MAB21L3: variants seen among roughly 807,000 people sequenced by gnomAD.
The protein encoded by MAB21L3 is protein mab-21-like 3.
In MAB21L3, 36 loss-of-function variants were observed where a neutral mutation model predicts 37.7. The ratio of observed to expected loss-of-function variants is 0.96; its 90% CI spans 0.73 to 1.26. MAB21L3 has a LOEUF of 1.26. Ranked by LOEUF, MAB21L3 falls within the 50% of genes most tolerant of loss-of-function variation. The pLI, the probability that MAB21L3 is intolerant of heterozygous loss-of-function variation, is 0.00. For missense variants in MAB21L3, 430 were observed against 447.3 expected (o/e 0.96, Z 0.35); for synonymous variants, 186 against 176.8 (o/e 1.05, Z -0.41).
chr1:116,128,424 G>A (rs1659972943), intron 7 of MAB21L3, 85 bp downstream of exon 7: 2 of 1,355,966 alleles, frequency 1.5e-6, no homozygotes, highest in Middle Eastern at 2.7e-4. Flanking sequence ...CCTGGCCAGA[G>A]CCACTCAGAA....
At chr1:116,119,574 G>A (rs1315039475) in intron 3 of MAB21L3, among the ~76,000 whole-genome samples, 1 of 152,144 alleles carries the variant, frequency 6.6e-6, no homozygotes, top group African/African-American at 2.4e-5. Flanking sequence ...AGAGTATAAA[G>A]ATTCATAGAT....
chr1:116,121,424 A>G (rs909465968), intron 4 of MAB21L3, among the ~76,000 whole-genome samples: 21 of 152,180 alleles, frequency 1.4e-4, no homozygotes, highest in African/African-American at 5.1e-4. Context: ...GATGAGAAAA[A>G]CTAGGCTCAG....
At chr1:116,113,983 G>C (rs1193189328) in intron 3 of MAB21L3, among the ~76,000 whole-genome samples, 1 of 152,152 alleles carries the variant, frequency 6.6e-6, no homozygotes, top group Admixed American at 6.5e-5. Context: ...AGCAGGCCAA[G>C]GGCCCCAGCT....
At chr1:116,118,462 T>C (rs1659652685) in intron 3 of MAB21L3, among the ~76,000 whole-genome samples, 1 of 152,172 alleles carries the variant, frequency 6.6e-6, no homozygotes, top group Non-Finnish European at 1.5e-5. Flanking sequence ...CCACATTTAA[T>C]GTGCACCTCT....
intron 3 of MAB21L3, among the ~76,000 whole-genome samples, chr1:116,115,186 A>G (rs1659553958): frequency 6.6e-6 from 1 of 152,142 alleles, no homozygotes; most frequent in African/African-American, 2.4e-5. Flanking sequence ...GAATGAGCCT[A>G]CTCTTATAAA....
chr1:116,113,658 G>T (rs1412279891), intron 3 of MAB21L3, among the ~76,000 whole-genome samples: 1 of 152,154 alleles, frequency 6.6e-6, no homozygotes, highest in African/African-American at 2.4e-5. Context: ...CTCATGTTTT[G>T]TTTGGCCTGT....
chr1:116,133,660 T>G lies in MAB21L3; in HGVS notation c.*295T>G. The G allele has an allele frequency of 4.3e-6, 2 of 467,658 alleles. No homozygotes were observed. Among genetic ancestry groups the G allele is most frequent in the Non-Finnish European group, 3.9e-6 (1 of 256,238 alleles). The allele number at this position is 467,658 out of a possible 1,614,324, so 29.0% of individuals were successfully genotyped here. On this transcript the variant is annotated 3_prime_UTR_variant, in exon 8 of 8. Transcript: ENST00000369500. ...AACTGGTGACAGTTCTGAACTTAGT[T>G]TCCCTTGTTCAGGCTGTGATCGTCT...
rs971551944 is a variant in MAB21L3 at position 116,133,259 on chromosome 1, T to G, written c.983T>G (p.Phe328Cys). The change falls in exon 8 of 8, where the codon TTC (phenylalanine) becomes TGC (cysteine). Residue 328 changes from phenylalanine (F) to cysteine (C), a missense_variant. Coordinates refer to ENST00000369500, the MANE Select transcript of MAB21L3 (RefSeq NM_152367.3). Reference sequence around the variant, plus strand: ...AGCCAGCACTTCCTGAAACACTATTTCGTCCGGAACAGCAACCTCTTTCAG... The same window carrying G: ...AGCCAGCACTTCCTGAAACACTATTGCGTCCGGAACAGCAACCTCTTTCAG... ...CVSQHFLKHY[F>C]VRNSNLFQCT... 14 of 1,614,046 alleles carry G rather than the reference T, an allele frequency of 8.7e-6. No individual in the cohort carries two copies. The highest frequency in any genetic ancestry group is 1.3e-5 in the African/African-American group (1 of 74,912).
intron 7 of MAB21L3, among the ~76,000 whole-genome samples, chr1:116,130,139 T>C (rs887614064): frequency 2.0e-5 from 3 of 152,196 alleles, no homozygotes; most frequent in African/African-American, 7.2e-5. Context: ...ACCTCTCAAT[T>C]AAGATGGATG....
intron 7 of MAB21L3, 29 bp downstream of exon 7, chr1:116,128,368 CA>C (rs1422615397): frequency 6.3e-7 from 1 of 1,580,440 alleles, no homozygotes; most frequent in African/African-American, 1.4e-5. Flanking sequence ...GGAGAAGACC[CA>C]GGGGCAGCTT....
rs1465334509 is a variant in MAB21L3, at chr1:116,121,035, C to A, written c.152C>A (p.Ala51Asp). 1 of 1,613,984 alleles carries A rather than the reference C, an allele frequency of 6.2e-7. No homozygotes were observed. The highest frequency in any genetic ancestry group is 2.2e-5 in the East Asian group (1 of 44,898). ...NISNQDIRFQ[A>D]VPYSDTYNEN... ...AGCAACCAAGACATTAGATTTCAAG[C>A]TGTGCCTTACTCTGACACGTACAAT... The change falls in exon 4 of 8, where the codon GCT becomes GAT. Residue 51 changes from alanine to aspartate, a missense_variant. Physicochemically the swap from Ala to Asp is moderately radical, Grantham distance 126. Coordinates refer to ENST00000369500, the MANE Select transcript of MAB21L3 (RefSeq NM_152367.3).
chr1:116,119,909 G>A (rs1421229020), intron 3 of MAB21L3, among the ~76,000 whole-genome samples: 1 of 152,168 alleles, frequency 6.6e-6, no homozygotes, highest in East Asian at 1.9e-4. Context: ...CTTTCTGTCA[G>A]CAGAAACATG....
chr1:116,115,741 AG>A (rs747994506), intron 3 of MAB21L3, among the ~76,000 whole-genome samples: 10 of 152,300 alleles, frequency 6.6e-5, no homozygotes, highest in Non-Finnish European at 1.5e-4. Context: ...TTATATTTGA[AG>A]CAGTAAATTA....
At chr1:116,121,194 A>G (rs1034782597) in intron 4 of MAB21L3, 122 bp downstream of exon 4, 6 of 1,017,508 alleles carry the variant, frequency 5.9e-6, no homozygotes, top group Non-Finnish European at 7.2e-6. Flanking sequence ...TTGTTTTCAT[A>G]GGTATTCTTA....
chr1:116,132,746 C>T (rs1660104169), intron 7 of MAB21L3, among the ~76,000 whole-genome samples: 1 of 152,112 alleles, frequency 6.6e-6, no homozygotes, highest in South Asian at 2.1e-4. Context: ...ATCCAGGGCC[C>T]TGTGGAGGGA....
In MAB21L3 at chr1:116,133,182, G is replaced by C. The variant is rs1660119195; in HGVS notation, c.906G>C (p.Gln302His). The C allele has an allele frequency of 6.2e-7, 1 of 1,614,236 alleles. No homozygotes were observed. The highest frequency in any genetic ancestry group is 1.3e-5 in the African/African-American group (1 of 75,060). The change falls in exon 8 of 8, where the codon CAG (glutamine) becomes CAC (histidine). Residue 302 changes from glutamine (Q) to histidine (H), a missense_variant. Transcript: ENST00000369500. ...AATATCCCCACTTTAAAGACTGGCA[G>C]GTCTTCAGCAAAGCATTTCTGCGCC... ...CEKYPHFKDW[Q>H]VFSKAFLRLV...
Position 116,112,432 on chromosome 1 carries a change from G to T in MAB21L3, c.-184G>T. The T allele has an allele frequency of 6.5e-6, 3 of 460,364 alleles. No individual in the cohort carries two copies. The highest frequency in any genetic ancestry group is 1.2e-5 in the Non-Finnish European group (3 of 255,964). The allele number at this position is 460,364 out of a possible 1,614,324, so 28.5% of individuals were successfully genotyped here. ...ATGACAGATGGATTTTCACAATTTG[G>T]AAATAAAAACATGAGTGAAGGGTTC... On this transcript the variant is annotated 5_prime_UTR_variant, in exon 3 of 8. An upstream open reading frame in the 5' UTR gains an earlier in-frame stop. Transcript: ENST00000369500.
intron 7 of MAB21L3, 113 bp downstream of exon 7, chr1:116,128,452 A>T: frequency 1.0e-6 from 1 of 994,948 alleles, no homozygotes; most frequent in Non-Finnish European, 1.4e-6. Flanking sequence ...CATGTGTGAA[A>T]AATTCAGGAT....
intron 7 of MAB21L3, among the ~76,000 whole-genome samples, chr1:116,132,646 T>A (rs982170011): frequency 6.6e-6 from 1 of 152,088 alleles, no homozygotes; most frequent in Non-Finnish European, 1.5e-5. Context: ...AGGAGGCAGA[T>A]GTGGGGTTGG....
Sources: gnomAD v4.1 joint callset for allele counts (sites outside exome capture counted in the v4.1 genomes callset) on GRCh38, gnomAD v4.1.1 for gene constraint, MANE v1.5 for transcripts, NCBI Gene and HGNC (gene_info 2026-07-23, HGNC 2026-07-21) for gene names.